Variants in NCKAP5 observed in about 807,000 individuals in gnomAD.
NCKAP5 encodes NCK associated protein 5.
A neutral mutation model predicts 167.0 loss-of-function variants in NCKAP5; 92 were observed. That is an observed-to-expected ratio of 0.55 (90% CI 0.47 to 0.66). The LOEUF is 0.66. Among genes scored for constraint, NCKAP5 ranks in the 30% least tolerant of loss-of-function variants. NCKAP5 has a pLI of 0.00. For synonymous variants in NCKAP5, 891 were observed against 877.4 expected, an observed-to-expected ratio of 1.02 and a Z score of -0.27; for missense variants, 2,378 against 2,315.0, an observed-to-expected ratio of 1.03 and a Z score of -0.56.
chr2:133,671,612 C>T, the NCKAP5 span, among the ~76,000 whole-genome samples: 3 of 152,058 alleles, frequency 2.0e-5, no homozygotes, highest in Non-Finnish European at 2.9e-5. Flanking sequence ...GCAGAGTCTC[C>T]CCAGCAAAAG....
At chr2:133,260,631 A>T (rs2088854948) in intron 4 of NCKAP5, among the ~76,000 whole-genome samples, 1 of 152,266 alleles carries the variant, frequency 6.6e-6, no homozygotes. Context: ...CACAATAGGA[A>T]AAAACAGTGG....
chr2:133,419,162 C>T (rs1388314110), intron 3 of NCKAP5, among the ~76,000 whole-genome samples: 1 of 152,208 alleles, frequency 6.6e-6, no homozygotes, highest in African/African-American at 2.4e-5. Flanking sequence ...CTGTGGCAGT[C>T]ATGCCACTCT....
intron 6 of NCKAP5, among the ~76,000 whole-genome samples, chr2:133,062,060 A>G (rs902533927): frequency 3.9e-5 from 6 of 152,216 alleles, no homozygotes; most frequent in Non-Finnish European, 8.8e-5. Flanking sequence ...GATGAGTACT[A>G]AAGATAAAAT....
intron 3 of NCKAP5, among the ~76,000 whole-genome samples, chr2:133,330,732 C>T (rs190044001): frequency 2.0e-5 from 3 of 151,956 alleles, no homozygotes; most frequent in African/African-American, 7.2e-5. Context: ...GTACAAAAAA[C>T]TAAAATTAAA....
intron 7 of NCKAP5, among the ~76,000 whole-genome samples, chr2:132,985,566 A>C (rs2077264602): frequency 6.6e-6 from 1 of 152,226 alleles, no homozygotes; most frequent in African/African-American, 2.4e-5. Context: ...TGTTTGAAAG[A>C]CATTATTTTT....
intron 5 of NCKAP5, among the ~76,000 whole-genome samples, chr2:133,207,782 C>T (rs1438699615): frequency 6.6e-6 from 1 of 152,076 alleles, no homozygotes; most frequent in Non-Finnish European, 1.5e-5. Context: ...AATACCAATG[C>T]AGTCATATAA....
intron 16 of NCKAP5, among the ~76,000 whole-genome samples, chr2:132,736,446 C>T (rs1473272776): frequency 6.6e-6 from 1 of 152,118 alleles, no homozygotes; most frequent in African/African-American, 2.4e-5. Flanking sequence ...GGGCAAGCCT[C>T]CCTCATCTTC....
intron 5 of NCKAP5, among the ~76,000 whole-genome samples, chr2:133,207,539 A>T (rs2086008354): frequency 6.6e-6 from 1 of 152,190 alleles, no homozygotes; most frequent in African/African-American, 2.4e-5. Context: ...GAACCAGGTG[A>T]CCTTGGAAAA....
intron 4 of NCKAP5, among the ~76,000 whole-genome samples, chr2:133,262,046 C>T (rs1403412168): frequency 6.6e-6 from 1 of 152,206 alleles, no homozygotes; most frequent in Admixed American, 6.5e-5. Flanking sequence ...ATTAAAAGAC[C>T]ATAGCTGCTA....
chr2:133,281,530 G>C (rs1248832480), intron 4 of NCKAP5, among the ~76,000 whole-genome samples: 1 of 152,132 alleles, frequency 6.6e-6, no homozygotes, highest in Non-Finnish European at 1.5e-5. Context: ...AGGTATTCTG[G>C]AGAGATATTG....
chr2:133,615,197 G>A, the NCKAP5 span, among the ~76,000 whole-genome samples: 1 of 152,210 alleles, frequency 6.6e-6, no homozygotes, highest in Middle Eastern at 3.4e-3. Flanking sequence ...GCAAAATCAT[G>A]CCAAAATGTA....
chr2:133,409,145 A>G (rs2151050851), intron 3 of NCKAP5, among the ~76,000 whole-genome samples: 1 of 152,270 alleles, frequency 6.6e-6, no homozygotes, highest in Middle Eastern at 3.4e-3. Flanking sequence ...ATACTGAAGC[A>G]GTTTGACCTT....
intron 5 of NCKAP5, among the ~76,000 whole-genome samples, chr2:133,155,560 T>C (rs987036003): frequency 6.6e-6 from 1 of 152,218 alleles, no homozygotes; most frequent in Non-Finnish European, 1.5e-5. Flanking sequence ...ATGTTATGTG[T>C]CAAATTGGCT....
chr2:133,285,665 C>T lies in NCKAP5; in HGVS notation c.143+17372G>A, dbSNP rs562720663. Reference sequence around the variant, plus strand: ...TTATATAATGCACGTATCACCATCACGATACGAGAGCAACTCGAAGAATCT... The same window carrying T: ...TTATATAATGCACGTATCACCATCATGATACGAGAGCAACTCGAAGAATCT... On this transcript the variant is annotated intron_variant, in intron 4 of 19. Transcript: ENST00000409261. Among the ~76,000 whole-genome samples, 14 of 152,270 alleles carry T rather than the reference C, an allele frequency of 9.2e-5. No homozygotes were observed. The South Asian group carries it at 2.5e-3, about 27-fold the overall frequency.
At chr2:132,922,374 A>T (rs1162901240) in intron 8 of NCKAP5, among the ~76,000 whole-genome samples, 1 of 152,230 alleles carries the variant, frequency 6.6e-6, no homozygotes, top group East Asian at 1.9e-4. Context: ...CTTTTCCAGT[A>T]GAATGTTGCT....
intron 4 of NCKAP5, among the ~76,000 whole-genome samples, chr2:133,256,915 G>T (rs1420966855): frequency 6.6e-6 from 1 of 152,176 alleles, no homozygotes; most frequent in African/African-American, 2.4e-5. Context: ...AGTGACAATA[G>T]TTAGATAATG....
intron 3 of NCKAP5, among the ~76,000 whole-genome samples, chr2:133,376,724 T>C (rs1686172305): frequency 6.6e-6 from 1 of 152,208 alleles, no homozygotes; most frequent in Non-Finnish European, 1.5e-5. Flanking sequence ...CTATGTGCCT[T>C]TCCAATCTCA....
intron 2 of NCKAP5, among the ~76,000 whole-genome samples, chr2:133,533,365 C>T (rs1194558536): frequency 2.6e-5 from 4 of 152,192 alleles, no homozygotes; most frequent in Admixed American, 6.5e-5. Flanking sequence ...AAGATTAGTT[C>T]GGTTTTTAAA....
intron 2 of NCKAP5, among the ~76,000 whole-genome samples, chr2:133,524,340 A>G (rs1490722618): frequency 1.3e-5 from 2 of 152,192 alleles, no homozygotes; most frequent in Non-Finnish European, 2.9e-5. Flanking sequence ...AAGAAAAGAA[A>G]TGTTAGATAC....
Sources: allele counts gnomAD v4.1 joint callset (sites outside exome capture counted in the v4.1 genomes callset), GRCh38; gene constraint gnomAD v4.1.1; transcripts MANE v1.5; gene names NCBI Gene and HGNC (gene_info 2026-07-23, HGNC 2026-07-21).